FRY: variants seen among roughly 807,000 people sequenced by gnomAD.
FRY encodes FRY microtubule binding protein, also known as protein furry homolog.
FRY carries 128 observed loss-of-function variants against 348.4 expected under a neutral mutation model. The ratio of observed to expected loss-of-function variants is 0.37; its 90% CI spans 0.32 to 0.43. The LOEUF (loss-of-function observed/expected upper bound fraction) is 0.43, where lower values mean the gene tolerates loss of function less well. FRY is among the 20% of genes least tolerant of loss of function. The probability of loss-of-function intolerance (pLI) is 1.00; values close to 1 mark genes in which losing one functional copy is unlikely to be tolerated. For missense variants in FRY, 2,736 were observed against 3,695.2 expected, an observed-to-expected ratio of 0.74 and a Z score of 6.73; for synonymous variants, 1,370 against 1,374.7, an observed-to-expected ratio of 1.00 and a Z score of 0.08.
rs1321367701 is a variant in FRY, at chr13:32,077,988, G to A, written c.71-846G>A. ...AACTGACCATCTTACAAGGGCTTGTGTGGGAGGGGTGGTAGAATTTAACAT... is the reference window on the plus strand; with the variant it reads ...AACTGACCATCTTACAAGGGCTTGTATGGGAGGGGTGGTAGAATTTAACAT... On this transcript the variant is annotated intron_variant, in intron 1 of 60. Transcript: ENST00000542859. Among the ~76,000 whole-genome samples, 4 of 152,200 alleles carry A rather than the reference G, an allele frequency of 2.6e-5. No individual in the cohort carries two copies. The East Asian group carries it at 7.7e-4, about 29-fold the overall frequency.
chr13:32,270,270 C>T (rs529098306), intron 55 of FRY, among the ~76,000 whole-genome samples: 6 of 150,644 alleles, frequency 4.0e-5, no homozygotes, highest in East Asian at 1.9e-4. Flanking sequence ...TGTAATGGCA[C>T]GATCTCAGCT....
intron 2 of FRY, among the ~76,000 whole-genome samples, chr13:32,098,916 A>G (rs1301043751): frequency 6.6e-6 from 1 of 152,066 alleles, no homozygotes; most frequent in Non-Finnish European, 1.5e-5. Flanking sequence ...ATATTTTGCA[A>G]TGGAGACAGA....
intron 23 of FRY, among the ~76,000 whole-genome samples, chr13:32,181,575 C>CAAAAAA (rs35272711): frequency 1.7e-5 from 1 of 59,032 alleles, no homozygotes; most frequent in Admixed American, 1.9e-4. Flanking sequence ...ACTCCGTCAC[C>CAAAAAA]AAAAAAAAAA....
chr13:32,176,762 G>A (rs1296775218), intron 20 of FRY, among the ~76,000 whole-genome samples: 2 of 152,228 alleles, frequency 1.3e-5, no homozygotes, highest in Non-Finnish European at 2.9e-5. Context: ...CAATACTGCA[G>A]TTAGGAAGAT....
chr13:32,195,186 T>C (rs1455386598), intron 29 of FRY, among the ~76,000 whole-genome samples: 1 of 152,196 alleles, frequency 6.6e-6, no homozygotes, highest in East Asian at 1.9e-4. Flanking sequence ...TATCTTTCTT[T>C]TATAAAGATA....
chr13:32,224,017 A>G (rs942472204), intron 36 of FRY, among the ~76,000 whole-genome samples: 1 of 152,118 alleles, frequency 6.6e-6, no homozygotes, highest in Admixed American at 6.6e-5. Context: ...GATTACAGGC[A>G]TGAGCCACTG....
intron 11 of FRY, among the ~76,000 whole-genome samples, chr13:32,140,104 A>G (rs1330398028): frequency 6.6e-6 from 1 of 151,710 alleles, no homozygotes; most frequent in Non-Finnish European, 1.5e-5. Context: ...ACAAAAACAG[A>G]AAAGAAACCT....
chr13:32,058,347 A>G (rs556728759), intron 1 of FRY, among the ~76,000 whole-genome samples: 2 of 152,362 alleles, frequency 1.3e-5, no homozygotes, highest in South Asian at 2.1e-4. Context: ...ATAAAATGCT[A>G]TCATAATTTA....
chr13:32,132,780 ACAACCC>A (rs1479250113), intron 8 of FRY, among the ~76,000 whole-genome samples: 10 of 152,260 alleles, frequency 6.6e-5, no homozygotes, highest in Non-Finnish European at 1.2e-4. Context: ...AAAAGTGGAA[ACAACCC>A]AAATGTCTAT....
At chr13:32,107,170 A>C (rs1291346826) in intron 3 of FRY, among the ~76,000 whole-genome samples, 1 of 152,186 alleles carries the variant, frequency 6.6e-6, no homozygotes, top group Non-Finnish European at 1.5e-5. Flanking sequence ...CAGCCTGGCC[A>C]ACATGGCAAA....
chr13:32,039,522 ATAAAT>A (rs535325294), intron 1 of FRY, among the ~76,000 whole-genome samples: 89 of 152,116 alleles, frequency 5.9e-4, no homozygotes, highest in African/African-American at 2.1e-3. Flanking sequence ...GAGAGAGAAA[ATAAAT>A]TATATATTTC....
chr13:32,089,512 C>T (rs1876109919), intron 2 of FRY, among the ~76,000 whole-genome samples: 1 of 152,106 alleles, frequency 6.6e-6, no homozygotes, highest in East Asian at 1.9e-4. Context: ...CCTGTAATCC[C>T]AGCACCTTGG....
intron 2 of FRY, 85 bp from the exon 3 acceptor site, chr13:32,101,878 A>G: frequency 1.2e-6 from 1 of 839,136 alleles, no homozygotes; most frequent in East Asian, 2.5e-5. Flanking sequence ...AATGAGTGAG[A>G]AAAAATGGAA....
At chr13:32,136,721 A>C in intron 10 of FRY, 150 bp from the exon 11 acceptor site, 2 of 713,824 alleles carry the variant, frequency 2.8e-6, no homozygotes, top group Non-Finnish European at 5.2e-6. Context: ...AGTGCCCTGC[A>C]TCCACTGGGC....
intron 14 of FRY, among the ~76,000 whole-genome samples, chr13:32,151,033 A>C (rs953926084): frequency 1.2e-4 from 18 of 152,332 alleles, no homozygotes; most frequent in Middle Eastern, 3.4e-3. Flanking sequence ...TTGGGCTGGA[A>C]GGAGGCCCAG....
intron 57 of FRY, 47 bp from the exon 58 acceptor site, chr13:32,278,418 C>G: frequency 1.0e-6 from 1 of 966,158 alleles, no homozygotes; most frequent in Non-Finnish European, 1.7e-6. Context: ...AAAATGTTCT[C>G]AGAACATTGC....
At chr13:32,258,612 CAA>C (rs11327896) in intron 51 of FRY, among the ~76,000 whole-genome samples, 132 of 143,960 alleles carry the variant, frequency 9.2e-4, no homozygotes, top group Middle Eastern at 3.5e-3. Context: ...GACTCTGTCT[CAA>C]AAAAAAAAAA....
chr13:32,272,730 T>G (rs1593833310), intron 55 of FRY, among the ~76,000 whole-genome samples: 1 of 151,978 alleles, frequency 6.6e-6, no homozygotes, highest in African/African-American at 2.4e-5. Flanking sequence ...TGTTTGTTTG[T>G]TTTGGTTTTT....
Position 32,210,949 on chromosome 13 carries a change from G to T in FRY, c.4506G>T (p.Glu1502Asp), listed in dbSNP as rs798981. 6.2e-7 allele frequency: 1 copy of T among 1,613,406 alleles called. No homozygotes were observed. The highest frequency in any genetic ancestry group is 1.3e-5 in the African/African-American group (1 of 74,840). ...EELLFELQQT[E>D]PVNPIVQHCD... ...TTCTCTTTGAGCTGCAGCAGACAGA[G>T]CCCGTGAACCCCATCGTCCAGCATT... Residue 1502 changes from glutamate to aspartate, a missense_variant, in exon 34 of 61, where the codon GAG (glutamate) becomes GAT (aspartate). By Grantham distance (45) the Glu-to-Asp change is conservative (BLOSUM62 2). Coordinates refer to ENST00000542859, the MANE Select transcript of FRY (RefSeq NM_023037.3).
Sources: allele counts gnomAD v4.1 joint callset (sites outside exome capture counted in the v4.1 genomes callset), GRCh38; gene constraint gnomAD v4.1.1; transcripts MANE v1.5; gene names NCBI Gene and HGNC (gene_info 2026-07-23, HGNC 2026-07-21).